The following NRXN1 variants were observed in gnomAD, a reference collection of about 807,000 sequenced individuals.
The protein encoded by NRXN1 is neurexin-1.
NRXN1 carries 39 observed loss-of-function variants against 150.9 expected under a neutral mutation model. That is an observed-to-expected ratio of 0.26 (90% confidence interval 0.20 to 0.34). The LOEUF (loss-of-function observed/expected upper bound fraction) is 0.34, where lower values mean the gene tolerates loss of function less well. NRXN1 is among the 10% of genes least tolerant of loss of function. The pLI, the probability that NRXN1 is intolerant of heterozygous loss-of-function variation, is 1.00. For missense variants in NRXN1, 1,815 were observed against 1,949.9 expected (o/e 0.93, Z 1.30); for synonymous variants, 924 against 757.0 (o/e 1.22, Z -3.62).
At chr2:50,910,582 C>T (rs1314756480) in intron 5 of NRXN1, among the ~76,000 whole-genome samples, 1 of 151,820 alleles carries the variant, frequency 6.6e-6, no homozygotes, top group Non-Finnish European at 1.5e-5. Flanking sequence ...CAAGCTCTAC[C>T]CTTAATTCAA....
intron 5 of NRXN1, among the ~76,000 whole-genome samples, chr2:50,874,070 G>A (rs1295297895): frequency 2.0e-5 from 3 of 151,886 alleles, no homozygotes; most frequent in South Asian, 2.1e-4. Flanking sequence ...CACTGCACAT[G>A]CTTAAAAATT....
intron 5 of NRXN1, among the ~76,000 whole-genome samples, chr2:50,819,061 T>G (rs1000100737): frequency 2.5e-4 from 38 of 152,122 alleles, no homozygotes; most frequent in African/African-American, 8.9e-4. Context: ...TTGGAACCCT[T>G]GTGCACTTTT....
chr2:50,449,611 C>A (rs1386964164), intron 17 of NRXN1, among the ~76,000 whole-genome samples: 1 of 152,140 alleles, frequency 6.6e-6, no homozygotes, highest in African/African-American at 2.4e-5. Flanking sequence ...GGTCCTCTGA[C>A]CACATTAAAT....
intron 9 of NRXN1, among the ~76,000 whole-genome samples, chr2:50,544,422 A>G (rs969176959): frequency 1.3e-5 from 2 of 152,104 alleles, no homozygotes; most frequent in Admixed American, 6.6e-5. Context: ...GAGGTTTTTA[A>G]AGAAATAAAA....
At chr2:50,551,107 AGGGG>A (rs1366432840) in intron 9 of NRXN1, among the ~76,000 whole-genome samples, 1 of 40,972 alleles carries the variant, frequency 2.4e-5, no homozygotes, top group African/African-American at 8.5e-5. Flanking sequence ...AGGAGGAGGG[AGGGG>A]GAGGGGGAGG....
rs1680443188 is a variant in NRXN1, at chr2:50,623,600, A to G, written c.848T>C (p.Ile283Thr). 1 of 1,610,286 alleles carries G rather than the reference A, an allele frequency of 6.2e-7. No individual in the cohort carries two copies. The highest frequency in any genetic ancestry group is 1.3e-5 in the African/African-American group (1 of 74,794). The stretch of plus-strand genomic sequence containing the variant: ...GTATTCAGATCCTTTGAACGTGGCA[A>G]TATATTCTTCTTTTCCTAGAGGAAA... ...QGKSKGKEEY[I>T]ATFKGSEYFC... is the part of the protein sequence containing the mutation. Residue 283 changes from isoleucine to threonine, a missense_variant, in exon 6 of 23, where the codon ATT (isoleucine) becomes ACT (threonine). Transcript: ENST00000401669.
intron 2 of NRXN1, among the ~76,000 whole-genome samples, chr2:50,952,081 C>T (rs1691469623): frequency 6.7e-6 from 1 of 148,554 alleles, no homozygotes; most frequent in Non-Finnish European, 1.5e-5. Flanking sequence ...ATTCTCCTGC[C>T]TCAGCCTCCC....
Position 50,631,131 on chromosome 2 carries a change from A to C in NRXN1, c.833-7516T>G, listed in dbSNP as rs180772343. 1.5e-3 allele frequency: 690 copies of C among 445,864 alleles called. 5 individuals are homozygous for C. The Middle Eastern group carries it at 0.023, about 15-fold the overall frequency. The allele number at this position is 445,864 out of a possible 1,614,324, so 27.6% of individuals were successfully genotyped here. A position where few individuals can be genotyped will look rare whatever the true frequency, so the allele number is the denominator to read the frequency against. ...CAAGGGAGAGTAGTTCACTCATTAG[A>C]TTTTCTACGTAATATATGTTGTAAA... On this transcript the variant is annotated intron_variant, in intron 5 of 22. Transcript: ENST00000401669.
At chr2:50,747,505 C>T (rs1217287124) in intron 5 of NRXN1, among the ~76,000 whole-genome samples, 1 of 152,036 alleles carries the variant, frequency 6.6e-6, no homozygotes, top group African/African-American at 2.4e-5. Context: ...ATCTCTTTCC[C>T]TGGTTTTCTT....
At chr2:50,419,772 A>G (rs2083828288) in intron 17 of NRXN1, among the ~76,000 whole-genome samples, 1 of 152,028 alleles carries the variant, frequency 6.6e-6, no homozygotes, top group South Asian at 2.1e-4. Flanking sequence ...AACAGAAAAT[A>G]TATATTTGTA....
intron 18 of NRXN1, among the ~76,000 whole-genome samples, chr2:50,099,910 G>A (rs1420663530): frequency 6.6e-6 from 1 of 152,090 alleles, no homozygotes; most frequent in Non-Finnish European, 1.5e-5. Context: ...GGCAGAGCAT[G>A]CTTGATTAGA....
At chr2:50,591,457 C>G (rs1393145167) in intron 8 of NRXN1, among the ~76,000 whole-genome samples, 1 of 150,208 alleles carries the variant, frequency 6.7e-6, no homozygotes, top group Non-Finnish European at 1.5e-5. Context: ...CTAGTCAGGC[C>G]TTTAAAAAAG....
At chr2:50,634,789 G>A (rs1682990893) in intron 5 of NRXN1, among the ~76,000 whole-genome samples, 1 of 152,112 alleles carries the variant, frequency 6.6e-6, no homozygotes, top group Admixed American at 6.5e-5. Flanking sequence ...AGGAGCTGAT[G>A]AGGGGAAGAG....
At chr2:49,955,080 G>A (rs1674686152) in intron 21 of NRXN1, among the ~76,000 whole-genome samples, 1 of 152,032 alleles carries the variant, frequency 6.6e-6, no homozygotes, top group Non-Finnish European at 1.5e-5. Flanking sequence ...AAAAATAGAA[G>A]AAATATTATA....
chr2:50,620,513 C>T (rs1240082061), intron 7 of NRXN1, among the ~76,000 whole-genome samples: 2 of 152,140 alleles, frequency 1.3e-5, no homozygotes, highest in Non-Finnish European at 2.9e-5. Context: ...TAGTAAAATG[C>T]TTCCTAGGTT....
intron 17 of NRXN1, among the ~76,000 whole-genome samples, chr2:50,428,116 T>C (rs1395987319): frequency 6.6e-6 from 1 of 151,964 alleles, no homozygotes; most frequent in Admixed American, 6.6e-5. Flanking sequence ...GAGGATAAGA[T>C]GAAAAATAAA....
At chr2:50,800,813 G>A (rs545051618) in intron 5 of NRXN1, among the ~76,000 whole-genome samples, 1 of 152,144 alleles carries the variant, frequency 6.6e-6, no homozygotes, top group African/African-American at 2.4e-5. Context: ...GCCTCACAAA[G>A]TGCTGGGATT....
chr2:50,967,320 T>C (rs1219261565), intron 2 of NRXN1, among the ~76,000 whole-genome samples: 1 of 151,980 alleles, frequency 6.6e-6, no homozygotes, highest in Non-Finnish European at 1.5e-5. Context: ...TCATTTAAAG[T>C]GATTTCAATC....
intron 9 of NRXN1, among the ~76,000 whole-genome samples, chr2:50,540,676 T>C (rs1480393202): frequency 2.6e-5 from 4 of 152,080 alleles, no homozygotes; most frequent in African/African-American, 9.7e-5. Context: ...TTTTTTTTTC[T>C]TTCTGAGACA....
Sources: allele counts gnomAD v4.1 joint callset (sites outside exome capture counted in the v4.1 genomes callset), GRCh38; gene constraint gnomAD v4.1.1; transcripts MANE v1.5; gene names NCBI Gene and HGNC (gene_info 2026-07-23, HGNC 2026-07-21).